The following TTBK2 variants were observed in gnomAD, a reference collection of about 807,000 sequenced individuals.
TTBK2 encodes tau-tubulin kinase 2.
In TTBK2, 28 loss-of-function variants were observed where a neutral mutation model predicts 110.8. That is an observed-to-expected ratio of 0.25 (90% confidence interval 0.19 to 0.35). The LOEUF (loss-of-function observed/expected upper bound fraction) is 0.35, where lower values mean the gene tolerates loss of function less well. Ranked by LOEUF, TTBK2 falls within the 10% of genes least tolerant of loss-of-function variation. The pLI is 1.00. For missense variants in TTBK2, 1,369 were observed against 1,500.3 expected (o/e 0.91, Z 1.45); for synonymous variants, 532 against 527.3 (o/e 1.01, Z -0.12).
intron 9 of TTBK2, chr15:42,801,009 C>T (rs374345226): frequency 8.6e-5 from 66 of 763,892 alleles, no homozygotes; most frequent in Middle Eastern, 2.3e-4. Flanking sequence ...CTTCCCATCA[C>T]GGGTTTCGAT....
At chr15:42,802,341 G>A in intron 9 of TTBK2, 1 of 768,744 alleles carries the variant, frequency 1.3e-6, no homozygotes, top group Non-Finnish European at 2.4e-6. Flanking sequence ...TGTAGGAGAG[G>A]CTGTTAAAGG....
chr15:42,768,665 G>A (rs13329197), intron 13 of TTBK2, among the ~76,000 whole-genome samples: 6,600 of 152,226 alleles, frequency 0.043, 171 homozygotes, highest in South Asian at 0.1. Context: ...AATCAGTATC[G>A]TGAAAATGGC....
In TTBK2 at chr15:42,810,736, G is replaced by T. The variant is rs933067569; in HGVS notation, c.700C>A (p.Gln234Lys). 5 of 1,613,414 alleles carry T rather than the reference G, an allele frequency of 3.1e-6. No homozygotes were observed. The highest frequency in any genetic ancestry group is 4.2e-6 in the Non-Finnish European group (5 of 1,179,832). ...LPWRKIKDKEQVGSIKERYDH... is the reference protein window; with the variant it reads ...LPWRKIKDKEKVGSIKERYDH... ...TATCTCTCCTTAATAGAGCCTACTT[G>T]CTCCTGGGAAGTAAAGAGAAAAAGA... is the stretch of plus-strand genomic sequence containing the variant. The change falls in exon 9 of 15, where the codon CAA (glutamine) becomes AAA (lysine). Residue 234 changes from glutamine (Q) to lysine (K), a missense_variant. Gln to Lys is a moderately conservative substitution (Grantham distance 53). This residue lies in a region of TTBK2 where 138 missense variants were observed against 179.0 expected (regional missense o/e 0.77). Coordinates refer to ENST00000267890, the MANE Select transcript of TTBK2 (RefSeq NM_173500.4).
intron 3 of TTBK2, among the ~76,000 whole-genome samples, chr15:42,855,449 T>C (rs1567061725): frequency 6.6e-6 from 1 of 152,188 alleles, no homozygotes; most frequent in Non-Finnish European, 1.5e-5. Flanking sequence ...TGAAATACTC[T>C]GCTGTGCCAG....
rs990558639 is a variant in TTBK2, at chr15:42,794,087, A to G, written c.980+557T>C. Among the ~76,000 whole-genome samples the G allele has an allele frequency of 4.3e-4, 65 of 149,712 alleles. 1 individual carries two copies. The highest frequency in any genetic ancestry group is 2.0e-4 in the Admixed American group (3 of 15,086). ...TTGACCAAAAAGTTTGAAACAACCAAAGCAGGTAAAAAATTAGAAAAAAAA... is the reference window on the plus strand; with the variant it reads ...TTGACCAAAAAGTTTGAAACAACCAGAGCAGGTAAAAAATTAGAAAAAAAA... On this transcript the variant is annotated intron_variant, in intron 10 of 14. Transcript: ENST00000267890.
intron 7 of TTBK2, among the ~76,000 whole-genome samples, chr15:42,813,701 C>T (rs1454340448): frequency 6.6e-6 from 1 of 151,648 alleles, no homozygotes; most frequent in Non-Finnish European, 1.5e-5. Flanking sequence ...AAAAAATTAG[C>T]TGGGCGTGGC....
chr15:42,822,553 G>A (rs1892348492), intron 6 of TTBK2, among the ~76,000 whole-genome samples: 1 of 152,048 alleles, frequency 6.6e-6, no homozygotes, highest in African/African-American at 2.4e-5. Flanking sequence ...AGTACTGTTG[G>A]TGTTAGAGAA....
In TTBK2 at chr15:42,763,179, TATATATATATATA is replaced by T. The variant is rs1340886329; in HGVS notation, c.1999-9945_1999-9933del. Among the ~76,000 whole-genome samples the T allele has an allele frequency of 6.3e-4, 14 of 22,358 alleles. 1 individual carries two copies. Among genetic ancestry groups the T allele is most frequent in the South Asian group, 2.8e-3 (2 of 706 alleles). 14.7% of individuals were successfully genotyped at this position (22,358 alleles called of 152,430 possible). A position where few individuals can be genotyped will look rare whatever the true frequency, so the allele number is the denominator to read the frequency against. ...ATACATATATATATATATATATATA[TATATATATATATA>T]TTTTTTTTTTTTTTTTTTTTTTTTT... On this transcript the variant is annotated intron_variant, in intron 13 of 14. Transcript: ENST00000267890.
chr15:42,863,853 T>C (rs1894255672), intron 3 of TTBK2, among the ~76,000 whole-genome samples: 1 of 152,182 alleles, frequency 6.6e-6, no homozygotes, highest in Non-Finnish European at 1.5e-5. Context: ...ATTCAATAAA[T>C]GGTGCTGGGA....
chr15:42,835,366 A>T (rs1892945519), intron 4 of TTBK2, among the ~76,000 whole-genome samples: 1 of 152,208 alleles, frequency 6.6e-6, no homozygotes, highest in East Asian at 1.9e-4. Flanking sequence ...GTAAAACTGG[A>T]ATCTTATATA....
At chr15:42,888,580 G>A (rs983659052) in intron 1 of TTBK2, among the ~76,000 whole-genome samples, 2 of 152,050 alleles carry the variant, frequency 1.3e-5, no homozygotes, top group African/African-American at 4.8e-5. Flanking sequence ...TCAGCAAGCC[G>A]AACTCATTGC....
At chr15:42,819,191 C>T (rs1004904323) in intron 6 of TTBK2, among the ~76,000 whole-genome samples, 1 of 151,250 alleles carries the variant, frequency 6.6e-6, no homozygotes, top group Non-Finnish European at 1.5e-5. Context: ...AAATCCTGGC[C>T]GGGCGCAGTG....
At chr15:42,883,895 A>C (rs2141145846) in intron 1 of TTBK2, among the ~76,000 whole-genome samples, 1 of 152,246 alleles carries the variant, frequency 6.6e-6, no homozygotes, top group Non-Finnish European at 1.5e-5. Flanking sequence ...AACAAAAATA[A>C]TACTATTATT....
chr15:42,869,740 A>C (rs952494857), intron 3 of TTBK2, among the ~76,000 whole-genome samples: 1 of 152,156 alleles, frequency 6.6e-6, no homozygotes, highest in Non-Finnish European at 1.5e-5. Context: ...AGGCCTAATA[A>C]ATTTTAGGGC....
intron 3 of TTBK2, among the ~76,000 whole-genome samples, chr15:42,859,432 A>G (rs776417676): frequency 3.3e-5 from 5 of 152,112 alleles, no homozygotes; most frequent in Non-Finnish European, 7.4e-5. Flanking sequence ...CTGAAGCTTA[A>G]TGGATCTGGC....
At chr15:42,801,283 T>C in intron 9 of TTBK2, 1 of 1,540,936 alleles carries the variant, frequency 6.5e-7, no homozygotes. Context: ...TTGACGTTCA[T>C]CAGCTCCTGG....
intron 3 of TTBK2, among the ~76,000 whole-genome samples, chr15:42,856,537 G>C (rs75240137): frequency 0.042 from 6,368 of 152,132 alleles, 414 homozygotes; most frequent in African/African-American, 0.13. Flanking sequence ...ATTAAATACT[G>C]GATAGATATG....
At chr15:42,871,696 T>C (rs937168642) in intron 3 of TTBK2, 2 of 469,700 alleles carry the variant, frequency 4.3e-6, no homozygotes, top group African/African-American at 4.2e-5. Flanking sequence ...TCCTTTTACC[T>C]ATTCTTTCTT....
At chr15:42,842,379 ACCGG>A (rs1893254996) in intron 3 of TTBK2, among the ~76,000 whole-genome samples, 2 of 152,080 alleles carry the variant, frequency 1.3e-5, no homozygotes, top group Admixed American at 1.3e-4. Context: ...ACTAACATAA[ACCGG>A]AAGTCATTAG....
Sources: gnomAD v4.1 joint callset for allele counts (sites outside exome capture counted in the v4.1 genomes callset) on GRCh38, gnomAD v4.1.1 for gene constraint, gnomAD v4.1.1 regional missense constraint, MANE v1.5 for transcripts, NCBI Gene and HGNC (gene_info 2026-07-23, HGNC 2026-07-21) for gene names.